GPC6: variants seen among roughly 807,000 people sequenced by gnomAD.
The protein encoded by GPC6 is glypican-6.
In GPC6, 14 loss-of-function variants were observed where a neutral mutation model predicts 55.2. That is an observed-to-expected ratio of 0.25 (90% CI 0.17 to 0.40). The LOEUF is 0.40. GPC6 is among the 10% of genes least tolerant of loss of function. The pLI is 1.00. For missense variants in GPC6, 641 were observed against 708.5 expected (o/e 0.90, Z 1.08); for synonymous variants, 278 against 259.6 (o/e 1.07, Z -0.68).
intron 4 of GPC6, among the ~76,000 whole-genome samples, chr13:94,117,953 T>A (rs1886490821): frequency 6.6e-6 from 1 of 152,112 alleles, no homozygotes; most frequent in Admixed American, 6.6e-5. Context: ...CTTTTTGAAA[T>A]GAAGGTTGTA....
intron 3 of GPC6, among the ~76,000 whole-genome samples, chr13:93,918,094 CAAA>C (rs5805834): frequency 2.9e-5 from 4 of 138,816 alleles, no homozygotes; most frequent in Admixed American, 7.1e-5. Flanking sequence ...GAGACTCCGT[CAAA>C]AAAAAAAAAA....
chr13:93,675,870 G>A (rs1881566411), intron 2 of GPC6, among the ~76,000 whole-genome samples: 1 of 151,896 alleles, frequency 6.6e-6, no homozygotes, highest in South Asian at 2.1e-4. Context: ...GGATGTGAGA[G>A]ATGTTGAGTA....
chr13:93,308,069 A>G (rs929067424), intron 1 of GPC6, among the ~76,000 whole-genome samples: 7 of 152,164 alleles, frequency 4.6e-5, no homozygotes, highest in South Asian at 2.1e-4. Flanking sequence ...CGGATCACGA[A>G]GTCAGGAGAT....
At chr13:94,336,791 G>GA (rs944355624) in intron 6 of GPC6, among the ~76,000 whole-genome samples, 25 of 150,792 alleles carry the variant, frequency 1.7e-4, no homozygotes, top group Non-Finnish European at 2.1e-4. Flanking sequence ...TTTACAGAAG[G>GA]AAAAAAAAAT....
intron 2 of GPC6, among the ~76,000 whole-genome samples, chr13:93,622,889 C>G (rs1260735664): frequency 6.6e-6 from 1 of 152,156 alleles, no homozygotes; most frequent in Admixed American, 6.5e-5. Context: ...TACCCATTAA[C>G]CAATCTCTCC....
At chr13:93,563,352 A>C (rs924066775) in intron 2 of GPC6, among the ~76,000 whole-genome samples, 1 of 152,154 alleles carries the variant, frequency 6.6e-6, no homozygotes, top group African/African-American at 2.4e-5. Flanking sequence ...CCAACCAAGC[A>C]ACCCATATCC....
At chr13:93,246,347 G>T (rs2139021955) in intron 1 of GPC6, among the ~76,000 whole-genome samples, 1 of 152,158 alleles carries the variant, frequency 6.6e-6, no homozygotes, top group African/African-American at 2.4e-5. Flanking sequence ...CTCTCTTTGT[G>T]CCCCCAGGAC....
Position 93,934,789 on chromosome 13 carries a change from T to C in GPC6, c.712-92940T>C, listed in dbSNP as rs534110560. 7.8e-3 allele frequency among the ~76,000 whole-genome samples: 1,166 copies of C among 148,958 alleles called. 11 individuals carry two copies. Among genetic ancestry groups the C allele is most frequent in the Middle Eastern group, 0.015 (4 of 274 alleles). Reference sequence around the variant, plus strand: ...GGATACAATATGTGACCATAGTGTCTGACTTTGTGAATTTCCATCATCTGA... The same window carrying C: ...GGATACAATATGTGACCATAGTGTCCGACTTTGTGAATTTCCATCATCTGA... On this transcript the variant is annotated intron_variant, in intron 3 of 8. Transcript: ENST00000377047.
chr13:94,138,646 T>G (rs1226891008), intron 4 of GPC6, among the ~76,000 whole-genome samples: 1 of 152,214 alleles, frequency 6.6e-6, no homozygotes, highest in Non-Finnish European at 1.5e-5. Flanking sequence ...TCTGCCATTT[T>G]TACGTTTATT....
intron 4 of GPC6, among the ~76,000 whole-genome samples, chr13:94,028,338 A>G (rs755174161): frequency 1.3e-5 from 2 of 152,112 alleles, no homozygotes; most frequent in South Asian, 2.1e-4. Flanking sequence ...AATTATAAAC[A>G]TTATTTTACA....
At chr13:93,283,928 C>A (rs576862662) in intron 1 of GPC6, among the ~76,000 whole-genome samples, 1 of 152,242 alleles carries the variant, frequency 6.6e-6, no homozygotes, top group South Asian at 2.1e-4. Context: ...AGCCCACTTA[C>A]AATTTCACAT....
At chr13:93,449,786 C>G (rs573025743) in intron 1 of GPC6, among the ~76,000 whole-genome samples, 87 of 151,716 alleles carry the variant, frequency 5.7e-4, no homozygotes, top group African/African-American at 2.1e-3. Context: ...TGAGATGGTG[C>G]CACTGCACTC....
chr13:94,156,933 C>T (rs531330945), intron 4 of GPC6, among the ~76,000 whole-genome samples: 1 of 152,218 alleles, frequency 6.6e-6, no homozygotes, highest in Admixed American at 6.5e-5. Flanking sequence ...GAGGTTTCTT[C>T]CAGAGCTAAT....
chr13:94,192,280 T>C (rs949908505), intron 4 of GPC6, among the ~76,000 whole-genome samples: 3 of 152,206 alleles, frequency 2.0e-5, no homozygotes, highest in African/African-American at 4.8e-5. Flanking sequence ...CTATAAAGTA[T>C]AGAAAGATTT....
chr13:93,227,214 A>G lies in GPC6; in HGVS notation c.-243A>G. On this transcript the variant is annotated 5_prime_UTR_variant, in exon 1 of 9. Transcript: ENST00000377047. This position sits in a 1 kb window ranked among gnomAD's most constrained non-coding sequence, Gnocchi z 4.3. ...TGCACCGTTTCCATCTGGGGGCTAG[A>G]GGAGCAAGGCAGCAGCCTTCCCAGC... 1 of 446,032 alleles carries G rather than the reference A, an allele frequency of 2.2e-6. No individual in the cohort carries two copies. Among genetic ancestry groups the G allele is most frequent in the East Asian group, 3.5e-5 (1 of 28,710 alleles). The allele number at this position is 446,032 out of a possible 1,614,324, so 27.6% of individuals were successfully genotyped here.
intron 3 of GPC6, among the ~76,000 whole-genome samples, chr13:93,842,798 G>C (rs1888000942): frequency 6.6e-6 from 1 of 151,734 alleles, no homozygotes; most frequent in Non-Finnish European, 1.5e-5. Context: ...ATTTTTTGTT[G>C]GTGGTAAGAA....
At chr13:93,985,689 C>A (rs868708198) in intron 3 of GPC6, among the ~76,000 whole-genome samples, 3 of 69,400 alleles carry the variant, frequency 4.3e-5, no homozygotes, top group African/African-American at 6.3e-5. Flanking sequence ...AAGACCTGGC[C>A]AAAAAAAAAA....
At chr13:93,339,746 C>T (rs1880174582) in intron 1 of GPC6, among the ~76,000 whole-genome samples, 1 of 152,188 alleles carries the variant, frequency 6.6e-6, no homozygotes, top group Non-Finnish European at 1.5e-5. Flanking sequence ...AAATGACTAC[C>T]AGAATGTCCT....
intron 1 of GPC6, among the ~76,000 whole-genome samples, chr13:93,359,530 T>C (rs1880973504): frequency 6.6e-6 from 1 of 152,152 alleles, no homozygotes; most frequent in African/African-American, 2.4e-5. Context: ...AATATACATA[T>C]TTGATATGTG....
Sources: allele counts gnomAD v4.1 joint callset (sites outside exome capture counted in the v4.1 genomes callset), GRCh38; gene constraint gnomAD v4.1.1; non-coding constraint Gnocchi (gnomAD v3.1); transcripts MANE v1.5; gene names NCBI Gene and HGNC (gene_info 2026-07-23, HGNC 2026-07-21).